The following F8 variants were observed in gnomAD, a reference collection of about 807,000 sequenced individuals.
F8 encodes the protein antihemophilic factor.
In F8, 12 loss-of-function variants were observed where a neutral mutation model predicts 140.6. The observed-to-expected ratio is 0.09, with a 90% CI of 0.05 to 0.14. The LOEUF is 0.14. Ranked by LOEUF, F8 falls within the 10% of genes least tolerant of loss-of-function variation. The pLI is 1.00. For missense variants in F8, 1,354 were observed against 1,720.7 expected (o/e 0.79, Z 3.77); for synonymous variants, 585 against 614.6 (o/e 0.95, Z 0.71).
At chrX:154,984,845 G>A in intron 5 of F8, 42 bp from the exon 6 acceptor site, 1 of 1,021,159 alleles carries the variant, frequency 9.8e-7, no homozygotes, top group Non-Finnish European at 1.4e-6. Context: ...CTAAGCATGT[G>A]TCTCATGAAT....
chrX:154,899,716 CTT>C (rs2073000172), intron 21 of F8, 148 bp downstream of exon 21: 1 of 530,331 alleles, frequency 1.9e-6, no homozygotes, highest in Admixed American at 2.9e-5. Flanking sequence ...CCCCATATCT[CTT>C]TGTTCATGAC....
chrX:154,874,008 A>C (rs1366650262), intron 22 of F8, among the ~76,000 whole-genome samples: 1 of 112,578 alleles, frequency 8.9e-6, no homozygotes, highest in Non-Finnish European at 1.9e-5. Flanking sequence ...TTAAACTAAA[A>C]ACTTTCTGCA....
At chrX:154,979,792 G>A (rs1281049714) in intron 6 of F8, among the ~76,000 whole-genome samples, 1 of 112,039 alleles carries the variant, frequency 8.9e-6, no homozygotes, top group Non-Finnish European at 1.9e-5. Context: ...TGTGGGCTGT[G>A]TTCTCAAAAT....
intron 6 of F8, among the ~76,000 whole-genome samples, chrX:154,977,916 T>A (rs1405828640): frequency 9.0e-6 from 1 of 110,900 alleles, no homozygotes; most frequent in African/African-American, 3.3e-5. Flanking sequence ...CACTTTATAG[T>A]GCCTAATATG....
At chrX:154,947,211 C>G (rs1343026949) in intron 13 of F8, among the ~76,000 whole-genome samples, 43 of 77,831 alleles carry the variant, frequency 5.5e-4, no homozygotes, top group African/African-American at 2.2e-3. Context: ...GGCTACAGAG[C>G]GAGACTCCGT....
chrX:154,992,617 T>C, intron 4 of F8, among the ~76,000 whole-genome samples: 1 of 112,092 alleles, frequency 8.9e-6, no homozygotes, highest in East Asian at 2.8e-4. Flanking sequence ...AGCTCAAAGT[T>C]TGCAAAAGGC....
chrX:154,967,370 T>C (rs1481637947), intron 7 of F8, among the ~76,000 whole-genome samples: 2 of 112,302 alleles, frequency 1.8e-5, no homozygotes, highest in Non-Finnish European at 3.8e-5. Flanking sequence ...GTATTCAACA[T>C]TCTCAGTCTC....
At chrX:154,913,266 T>A (rs2211562) in intron 14 of F8, among the ~76,000 whole-genome samples, 46,229 of 109,453 alleles carry the variant, frequency 0.42, 9,718 homozygotes, top group African/African-American at 0.81. Flanking sequence ...TGTTTTTTTT[T>A]AAAAAATCTC....
intron 22 of F8, among the ~76,000 whole-genome samples, chrX:154,892,976 C>A (rs1398312521): frequency 9.0e-6 from 1 of 111,473 alleles, no homozygotes; most frequent in East Asian, 2.8e-4. Context: ...ACAATCTATT[C>A]TCTCTGAAGC....
At position 154,904,838 on chromosome X, in the gene F8, G is replaced by A. The variant is rs782446763; in HGVS notation, c.5559C>T (p.Ala1853=). 3 of 1,211,302 alleles carry A rather than the reference G, an allele frequency of 2.5e-6. No homozygotes were observed. In the South Asian group the frequency reaches 5.3e-5, roughly 21 times the overall value. Residue 1853 remains alanine (A), a synonymous_variant, in exon 16 of 26, where the codon GCC becomes GCT. Transcript: ENST00000360256. ...GGTCAACATCAGAGAAATAAGCCCA[G>A]GCTTTGCAGTCAAACTCATCTTTAG... is the stretch of plus-strand genomic sequence containing the variant. ...APTKDEFDCK[A]WAYFSDVDLE... is the part of the protein sequence containing the mutation.
intron 22 of F8, among the ~76,000 whole-genome samples, chrX:154,894,123 TTC>T (rs782340860): frequency 8.9e-6 from 1 of 111,767 alleles, no homozygotes; most frequent in Non-Finnish European, 1.9e-5. Context: ...TGTCCCGCCT[TTC>T]TGGACCAAAT....
intron 6 of F8, among the ~76,000 whole-genome samples, chrX:154,979,653 C>T (rs1251452159): frequency 9.0e-6 from 1 of 111,542 alleles, no homozygotes; most frequent in East Asian, 2.8e-4. Context: ...CCTGCAGCAG[C>T]AGTGGTTGTA....
At chrX:154,876,186 C>A (rs1215058033) in intron 22 of F8, among the ~76,000 whole-genome samples, 4 of 99,093 alleles carry the variant, frequency 4.0e-5, no homozygotes, top group African/African-American at 1.6e-4. Flanking sequence ...GTGGCGCGAT[C>A]TCGGCTCACT....
In F8 at chrX:154,904,450, C is replaced by T. The variant is rs782650491; in HGVS notation, c.5661G>A (p.Gly1887=). The change falls in exon 17 of 26, where the codon GGG becomes GGA. Residue 1887 remains glycine (G), a synonymous_variant. Transcript: ENST00000360256. ...CAAATTCCTGTACTGTCACTTGTCT[C>T]CCATGAGCAGGGTTCAGTGTGTTAG... The part of the protein sequence containing the change: ...CHTNTLNPAH[G]RQVTVQEFAL... 1.7e-6 allele frequency: 2 copies of T among 1,211,594 alleles called. No individual in the cohort carries two copies. The highest frequency in any genetic ancestry group is 2.2e-6 in the Non-Finnish European group (2 of 895,363).
intron 14 of F8, among the ~76,000 whole-genome samples, chrX:154,915,577 G>C (rs191828718): frequency 5.4e-4 from 60 of 110,940 alleles, no homozygotes; most frequent in Admixed American, 5.1e-3. Flanking sequence ...TTTTATTATA[G>C]CTATTGAAAA....
chrX:154,974,905 T>C (rs1184139711), intron 6 of F8, among the ~76,000 whole-genome samples: 1 of 111,978 alleles, frequency 8.9e-6, no homozygotes, highest in African/African-American at 3.2e-5. Context: ...CTTATAATTC[T>C]TTGTATTTCT....
intron 1 of F8, among the ~76,000 whole-genome samples, chrX:155,013,353 A>C (rs964263302): frequency 8.2e-5 from 9 of 110,064 alleles, no homozygotes; most frequent in African/African-American, 3.0e-4. Flanking sequence ...TGATGGTTTT[A>C]TAAAGGGCAG....
chrX:154,958,798 T>C (rs1256971321), intron 10 of F8, among the ~76,000 whole-genome samples: 2 of 110,638 alleles, frequency 1.8e-5, no homozygotes, highest in African/African-American at 6.6e-5. Context: ...GTATTTTTAG[T>C]AGAGATGGGT....
At chrX:154,981,456 A>G (rs73641114) in intron 6 of F8, among the ~76,000 whole-genome samples, 1,371 of 106,937 alleles carry the variant, frequency 0.013, 31 homozygotes, top group African/African-American at 0.043. Context: ...CCCTCTCCTC[A>G]ACCTTTATCT....
Sources: gnomAD v4.1 joint callset for allele counts (sites outside exome capture counted in the v4.1 genomes callset) on GRCh38, gnomAD v4.1.1 for gene constraint, MANE v1.5 for transcripts, NCBI Gene and HGNC (gene_info 2026-07-23, HGNC 2026-07-21) for gene names.